Variants in NBPF26 observed in about 807,000 individuals in gnomAD.
The protein encoded by NBPF26 is NBPF family member NBPF26.
A neutral mutation model predicts 119.6 loss-of-function variants in NBPF26; 79 were observed. The observed-to-expected ratio is 0.66, with a 90% confidence interval of 0.55 to 0.80. The LOEUF is 0.80. NBPF26 is among the 30% of genes least tolerant of loss of function. NBPF26 has a pLI of 0.00. For missense variants in NBPF26, 800 were observed against 1,198.2 expected, an observed-to-expected ratio of 0.67 and a Z score of 4.91; for synonymous variants, 299 against 457.7, an observed-to-expected ratio of 0.65 and a Z score of 4.43.
At chr1:120,794,500 A>G (rs1651535742) in intron 4 of NBPF26, among the ~76,000 whole-genome samples, 1 of 111,470 alleles carries the variant, frequency 9.0e-6, no homozygotes, top group Non-Finnish European at 1.7e-5. Context: ...CTCAAAAAGA[A>G]GTTGTTCTAG....
intron 5 of NBPF26, among the ~76,000 whole-genome samples, chr1:120,806,670 G>T (rs1449206785): frequency 8.2e-6 from 1 of 121,610 alleles, no homozygotes; most frequent in Non-Finnish European, 1.7e-5. Context: ...GTGAAGTCCT[G>T]CTTCCTGGTG....
Position 120,822,085 on chromosome 1 carries a change from G to T in NBPF26, c.2424-19G>T, listed in dbSNP as rs1195626740. 2.8e-6 allele frequency: 4 copies of T among 1,447,496 alleles called. 1 individual carries two copies. Among genetic ancestry groups the T allele is most frequent in the Non-Finnish European group, 3.7e-6 (4 of 1,082,078 alleles). 89.7% of individuals were successfully genotyped at this position (1,447,496 alleles called of 1,614,324 possible). A position where few individuals can be genotyped will look rare whatever the true frequency, so the allele number is the denominator to read the frequency against. On this transcript the variant is annotated intron_variant, in intron 15 of 29. Coordinates refer to ENST00000620612, the Ensembl canonical transcript of NBPF26. ...GTTGGTTAAATCTTCTGTCATCCCT[G>T]TCCTGCCTGGCTCATCAGGAATCTG... is the stretch of plus-strand genomic sequence containing the variant.
chr1:120,793,601 A>C lies in NBPF26; in HGVS notation c.751+105A>C. The C allele has an allele frequency of 3.6e-5, 32 of 885,912 alleles. 6 individuals carry two copies. The South Asian group carries it at 4.5e-4, about 13-fold the overall frequency. 54.9% of individuals were successfully genotyped at this position (885,912 alleles called of 1,614,324 possible). A position where few individuals can be genotyped will look rare whatever the true frequency, so the allele number is the denominator to read the frequency against. ...TTTAGGAAGCGCAAGGAAAAAGGGA[A>C]GTGAGAATTTTGTGTGGGGTGGGTT... On this transcript the variant is annotated intron_variant, in intron 4 of 29. Transcript: ENST00000620612.
intron 1 of NBPF26, among the ~76,000 whole-genome samples, chr1:120,755,883 T>G (rs1319546619): frequency 2.4e-5 from 2 of 83,784 alleles, no homozygotes; most frequent in South Asian, 7.0e-4. Flanking sequence ...AAAGAGCACA[T>G]AAATCCTTGG....
intron 14 of NBPF26, among the ~76,000 whole-genome samples, chr1:120,817,338 C>A (rs1652031055): frequency 1.0e-5 from 1 of 96,502 alleles, no homozygotes; most frequent in South Asian, 3.1e-4. Context: ...GATATATTTC[C>A]ATAAAGCAAG....
chr1:120,810,003 G>A, intron 8 of NBPF26, 120 bp downstream of exon 8: 1 of 1,419,122 alleles, frequency 7.0e-7, no homozygotes, highest in Non-Finnish European at 9.7e-7. Flanking sequence ...CACAGTATGT[G>A]AAATTCAACC....
intron 3 of NBPF26, among the ~76,000 whole-genome samples, chr1:120,790,481 C>A (rs1651474780): frequency 8.6e-6 from 1 of 116,520 alleles, no homozygotes; most frequent in Non-Finnish European, 1.6e-5. Context: ...AGTGCCTATA[C>A]ATAATATATA....
exon 14 of NBPF26, chr1:120,816,655 T>G: frequency 8.8e-7 from 1 of 1,142,582 alleles, no homozygotes; most frequent in South Asian, 1.3e-5. Flanking sequence ...AGGAAGTCCC[T>G]GAGGACTCAC....
chr1:120,812,957 T>TAATAATAAA (rs1166315973), intron 10 of NBPF26, among the ~76,000 whole-genome samples: 2 of 113,396 alleles, frequency 1.8e-5, no homozygotes, highest in African/African-American at 5.1e-5. Flanking sequence ...ATAATAATAA[T>TAATAATAAA]AAATAAAAAT....
intron 10 of NBPF26, among the ~76,000 whole-genome samples, chr1:120,812,962 A>G (rs1270004062): frequency 8.4e-6 from 1 of 118,706 alleles, no homozygotes; most frequent in Non-Finnish European, 1.6e-5. Context: ...AATAATAAAT[A>G]AAAATAAGAA....
Position 120,785,213 on chromosome 1 carries a change from C to G in NBPF26, c.395C>G (p.Thr132Ser), listed in dbSNP as rs2101455032. Residue 132 changes from threonine (T) to serine (S), a missense_variant, in exon 3 of 30, where the codon ACC (threonine) becomes AGC (serine). By Grantham distance (58) the Thr-to-Ser change is moderately conservative. This residue lies in a region of NBPF26 where 209 missense variants were observed against 285.2 expected (regional missense o/e 0.73). Transcript: ENST00000620612. ...CTCAGCCGGGATACCTATGAGTGCA[C>G]CTGTCAAGTCGGGTTTACAGGTAAC... 4 of 1,445,542 alleles carry G rather than the reference C, an allele frequency of 2.8e-6. 1 individual carries two copies. The South Asian group carries it at 4.8e-5, about 17-fold the overall frequency. 89.5% of individuals were successfully genotyped at this position (1,445,542 alleles called of 1,614,324 possible).
rs1415887415 is a variant in NBPF26 at position 120,724,246 on chromosome 1, G to C, written c.69G>C (p.Ala23=). ...TCTGGCTGTGCTGGGCGGCCCCCGC[G>C]CATGGTGAGTATCGGGCTGAGGGGC... Residue 23 remains alanine (A), a synonymous_variant, in exon 1 of 30, where the codon GCG becomes GCC. Transcript: ENST00000620612. The C allele has an allele frequency of 4.1e-5, 58 of 1,401,216 alleles. 19 individuals are homozygous for C. The African/African-American group carries it at 1.1e-3, about 28-fold the overall frequency. 86.8% of individuals were successfully genotyped at this position (1,401,216 alleles called of 1,614,324 possible).
In NBPF26 at chr1:120,768,221, A is replaced by T. The variant is rs1398020729; in HGVS notation, c.155+4512A>T. 4.4e-5 allele frequency among the ~76,000 whole-genome samples: 5 copies of T among 114,172 alleles called. 1 individual carries two copies. In the East Asian group the frequency reaches 1.1e-3, roughly 24 times the overall value. The allele number at this position is 114,172 out of a possible 152,430, so 74.9% of individuals were successfully genotyped here. A position where few individuals can be genotyped will look rare whatever the true frequency, so the allele number is the denominator to read the frequency against. The stretch of plus-strand genomic sequence containing the variant: ...ATAGGGCTCTTATTCCCAAGATGGG[A>T]CCCTTCTAGGGGTTCAGTGGAAAGT... On this transcript the variant is annotated intron_variant, in intron 2 of 29. Coordinates refer to ENST00000620612, the Ensembl canonical transcript of NBPF26.
At position 120,751,655 on chromosome 1, in the gene NBPF26, C is replaced by G. The variant is rs2101379599; in HGVS notation, c.74-11973C>G. On this transcript the variant is annotated intron_variant, in intron 1 of 29. Coordinates refer to ENST00000620612, the Ensembl canonical transcript of NBPF26. ...TCTTTCCTTTCCTTTCCTTTCCTTT[C>G]TCTCTCTCCTTTCTTTCTTTTGCTT... Among the ~76,000 whole-genome samples, 2 of 54,242 alleles carry G rather than the reference C, an allele frequency of 3.7e-5. 1 individual carries two copies. The highest frequency in any genetic ancestry group is 9.1e-4 in the South Asian group (2 of 2,208). The allele number at this position is 54,242 out of a possible 152,430, so 35.6% of individuals were successfully genotyped here.
chr1:120,839,851 T>A, intron 29 of NBPF26, 111 bp downstream of exon 35: 1 of 166,954 alleles, frequency 6.0e-6, no homozygotes, highest in Non-Finnish European at 1.0e-5. Context: ...GCTGAATTAC[T>A]CCTACTGTCA....
intron 23 of NBPF26, among the ~76,000 whole-genome samples, chr1:120,833,385 C>T (rs1384329155): frequency 1.3e-5 from 1 of 75,768 alleles, no homozygotes; most frequent in Non-Finnish European, 2.2e-5. Flanking sequence ...CTCTGTCTCT[C>T]TCTCTGTCTC....
In NBPF26 at chr1:120,763,625, TA is replaced by T. The variant is rs2101408961; in HGVS notation, c.74-2del. The T allele has an allele frequency of 2.2e-6, 3 of 1,348,542 alleles. 1 individual carries two copies. In the East Asian group the frequency reaches 7.1e-5, roughly 32 times the overall value. 83.5% of individuals were successfully genotyped at this position (1,348,542 alleles called of 1,614,324 possible). ...TCTAATGTGCATTTGTTTTTATTTT[TA>T]GCATTGCAGTGTCGAGATGGCTATG... On this transcript the variant is annotated splice_acceptor_variant, in intron 1 of 29. Transcript: ENST00000620612. LOFTEE classifies it high-confidence loss of function.
In NBPF26 at chr1:120,818,203, T is replaced by C. The variant is rs1652052436; in HGVS notation, c.2423+29T>C. 5 of 479,020 alleles carry C rather than the reference T, an allele frequency of 1.0e-5. 2 individuals are homozygous for C. In the East Asian group the frequency reaches 1.5e-4, roughly 14 times the overall value. The allele number at this position is 479,020 out of a possible 1,614,324, so 29.7% of individuals were successfully genotyped here. On this transcript the variant is annotated intron_variant, in intron 15 of 29. Transcript: ENST00000620612. ...ATGTTGTGGAATTGTTGGCTGTTAA[T>C]TCAGTAGTGACATCTGGAGATTGTA...
chr1:120,814,816 C>T lies in NBPF26; in HGVS notation c.1878-13C>T, dbSNP rs1553271511. On this transcript the variant is annotated splice_polypyrimidine_tract_variant and intron_variant, in intron 11 of 29. Transcript: ENST00000620612. The stretch of plus-strand genomic sequence containing the variant: ...CTTTCTACTCTTAAATTTTCTCTAC[C>T]GTCTCACCTTAGGCAATATAAAGTC... The T allele has an allele frequency of 1.8e-4, 230 of 1,248,442 alleles. 46 individuals are homozygous for T. The highest frequency in any genetic ancestry group is 6.7e-4 in the African/African-American group (30 of 44,484). 77.3% of individuals were successfully genotyped at this position (1,248,442 alleles called of 1,614,324 possible). A position where few individuals can be genotyped will look rare whatever the true frequency, so the allele number is the denominator to read the frequency against.
Sources: allele counts gnomAD v4.1 joint callset (sites outside exome capture counted in the v4.1 genomes callset), GRCh38; gene constraint gnomAD v4.1.1; regional missense constraint gnomAD v4.1.1; transcripts MANE v1.5; gene names NCBI Gene and HGNC (gene_info 2026-07-23, HGNC 2026-07-21).